FSTL5: variants seen among roughly 807,000 people sequenced by gnomAD.
FSTL5 encodes the protein follistatin like 5.
Under a neutral mutation model 89.1 loss-of-function variants are expected in FSTL5, and 62 were observed. The observed-to-expected ratio is 0.70, with a 90% CI of 0.57 to 0.86. The LOEUF is 0.86. Among genes scored for constraint, FSTL5 ranks in the 40% least tolerant of loss-of-function variants. FSTL5 has a pLI of 0.00. For synonymous variants in FSTL5, 383 were observed against 346.2 expected (o/e 1.11, Z -1.18); for missense variants, 1,057 against 1,001.6 (o/e 1.06, Z -0.75).
At chr4:161,531,627 G>A (rs538849140) in intron 10 of FSTL5, among the ~76,000 whole-genome samples, 1 of 152,236 alleles carries the variant, frequency 6.6e-6, no homozygotes, top group African/African-American at 2.4e-5. Context: ...TGTGACAAAA[G>A]TGAACTCTAG....
rs371080508 is a variant in FSTL5, at chr4:161,980,026, A to C, written c.160+53599T>G. The stretch of plus-strand genomic sequence containing the variant: ...ATTATTTCCCACCAAAAAATTAAAA[A>C]AATAAAAATACAAAATGAAGGAAAG... On this transcript the variant is annotated intron_variant, in intron 3 of 15. Transcript: ENST00000306100. Among the ~76,000 whole-genome samples, 5 of 151,086 alleles carry C rather than the reference A, an allele frequency of 3.3e-5. No homozygotes were observed. In the South Asian group the frequency reaches 8.3e-4, roughly 25 times the overall value.
At chr4:161,992,255 G>C (rs1389218632) in intron 3 of FSTL5, among the ~76,000 whole-genome samples, 1 of 152,300 alleles carries the variant, frequency 6.6e-6, no homozygotes, top group East Asian at 1.9e-4. Context: ...AGTCTCCAGG[G>C]AGAAAAGTGC....
chr4:161,983,340 G>A (rs2111054709), intron 3 of FSTL5, among the ~76,000 whole-genome samples: 1 of 152,250 alleles, frequency 6.6e-6, no homozygotes, highest in Non-Finnish European at 1.5e-5. Flanking sequence ...AGCCAAGACA[G>A]CAAAATTTGC....
intron 7 of FSTL5, among the ~76,000 whole-genome samples, chr4:161,602,704 T>C (rs1734292556): frequency 6.6e-6 from 1 of 152,146 alleles, no homozygotes; most frequent in African/African-American, 2.4e-5. Context: ...TCAGAAGTTT[T>C]GAAAGTCATA....
chr4:161,608,495 A>G (rs1447819165), intron 7 of FSTL5, among the ~76,000 whole-genome samples: 1 of 152,120 alleles, frequency 6.6e-6, no homozygotes, highest in Admixed American at 6.5e-5. Flanking sequence ...AAACAGGCTC[A>G]GAAATCTTCT....
At chr4:161,555,501 A>T (rs571201047) in intron 8 of FSTL5, among the ~76,000 whole-genome samples, 1 of 151,758 alleles carries the variant, frequency 6.6e-6, no homozygotes, top group East Asian at 1.9e-4. Context: ...TATTTAATGT[A>T]TATCTAATTT....
chr4:161,407,194 A>G (rs1391224440), intron 15 of FSTL5, among the ~76,000 whole-genome samples: 3 of 152,140 alleles, frequency 2.0e-5, no homozygotes, highest in Non-Finnish European at 2.9e-5. Context: ...TTGATTTTGG[A>G]TTTCAGGCTT....
chr4:161,433,742 G>A (rs903406447), intron 15 of FSTL5, among the ~76,000 whole-genome samples: 5 of 152,022 alleles, frequency 3.3e-5, no homozygotes, highest in African/African-American at 9.7e-5. Context: ...TACAAAATCA[G>A]TAGCATTTGT....
intron 6 of FSTL5, among the ~76,000 whole-genome samples, chr4:161,685,713 C>G (rs77418056): frequency 1.3e-5 from 2 of 151,948 alleles, no homozygotes; most frequent in Non-Finnish European, 2.9e-5. Flanking sequence ...AAACAAAGAC[C>G]GTTTGACTTC....
At chr4:162,080,065 AATG>A (rs1730030602) in intron 2 of FSTL5, among the ~76,000 whole-genome samples, 2 of 151,488 alleles carry the variant, frequency 1.3e-5, no homozygotes, top group South Asian at 2.1e-4. Flanking sequence ...ACCTCCCCAG[AATG>A]ATATTTTTTG....
chr4:161,611,910 C>T (rs997402835), intron 7 of FSTL5, among the ~76,000 whole-genome samples: 2 of 152,248 alleles, frequency 1.3e-5, no homozygotes, highest in African/African-American at 2.4e-5. Flanking sequence ...GTTAAAACTG[C>T]GGATGTCATG....
At chr4:162,090,019 C>T (rs1373910277) in intron 2 of FSTL5, among the ~76,000 whole-genome samples, 1 of 152,100 alleles carries the variant, frequency 6.6e-6, no homozygotes, top group Non-Finnish European at 1.5e-5. Context: ...GTCAATGGTG[C>T]TGGGATAACT....
At position 161,867,737 on chromosome 4, in the gene FSTL5, G is replaced by T. The variant is rs553389885; in HGVS notation, c.409+52667C>A. Among the ~76,000 whole-genome samples, 10 of 151,476 alleles carry T rather than the reference G, an allele frequency of 6.6e-5. No individual in the cohort carries two copies. The East Asian group carries it at 1.8e-3, about 27-fold the overall frequency. On this transcript the variant is annotated intron_variant, in intron 4 of 15. Transcript: ENST00000306100. ...GTAATAAGACCTTATTCTTACCAAA[G>T]AATTAAATATAGAGAAAAAAATCAC... is the stretch of plus-strand genomic sequence containing the variant.
At position 161,464,630 on chromosome 4, in the gene FSTL5, T is replaced by A. The variant is rs902950911; in HGVS notation, c.1609-5311A>T. ...GTTAAGCTTTTTGTGTTTGTTTAGG[T>A]CAATGAAATAAACCATGCACTTAGA... On this transcript the variant is annotated intron_variant, in intron 13 of 15. Transcript: ENST00000306100. 3.2e-4 allele frequency among the ~76,000 whole-genome samples: 49 copies of A among 152,190 alleles called. 1 individual carries two copies. The highest frequency in any genetic ancestry group is 1.1e-3 in the African/African-American group (45 of 41,450).
At chr4:161,575,179 A>G (rs1385002844) in intron 8 of FSTL5, among the ~76,000 whole-genome samples, 1 of 152,114 alleles carries the variant, frequency 6.6e-6, no homozygotes. Context: ...TACTTTGCCC[A>G]CTTTTTGATG....
At chr4:161,916,139 C>T (rs938497572) in intron 4 of FSTL5, among the ~76,000 whole-genome samples, 3 of 152,102 alleles carry the variant, frequency 2.0e-5, no homozygotes, top group Admixed American at 1.3e-4. Flanking sequence ...GTGCACAGAT[C>T]GCTGTGACAA....
Position 161,706,158 on chromosome 4 carries a change from A to C in FSTL5, c.728-49664T>G, listed in dbSNP as rs1378635413. On this transcript the variant is annotated intron_variant, in intron 6 of 15. Transcript: ENST00000306100. Reference sequence around the variant, plus strand: ...AAGTAAAAAATATATATCTCATGTCACTGGCGCCTTTTGAGACTTAACTGC... The same window carrying C: ...AAGTAAAAAATATATATCTCATGTCCCTGGCGCCTTTTGAGACTTAACTGC... 2.0e-5 allele frequency among the ~76,000 whole-genome samples: 3 copies of C among 150,934 alleles called. No homozygotes were observed. In the East Asian group the frequency reaches 5.9e-4, roughly 30 times the overall value.
At chr4:162,016,677 T>C (rs1451228119) in intron 3 of FSTL5, among the ~76,000 whole-genome samples, 1 of 152,238 alleles carries the variant, frequency 6.6e-6, no homozygotes, top group Non-Finnish European at 1.5e-5. Context: ...ATGAGTTTTC[T>C]AATTATATTT....
chr4:162,021,751 A>G (rs901873722), intron 3 of FSTL5, among the ~76,000 whole-genome samples: 2 of 152,150 alleles, frequency 1.3e-5, no homozygotes, highest in Non-Finnish European at 2.9e-5. Context: ...AGAGTGTGAA[A>G]TAATAGACAT....
Sources: gnomAD v4.1 joint callset for allele counts (sites outside exome capture counted in the v4.1 genomes callset) on GRCh38, gnomAD v4.1.1 for gene constraint, MANE v1.5 for transcripts, NCBI Gene and HGNC (gene_info 2026-07-23, HGNC 2026-07-21) for gene names.